GRIP1: variants seen among roughly 807,000 people sequenced by gnomAD.
GRIP1 encodes the protein glutamate receptor interacting protein 1.
In GRIP1, 45 loss-of-function variants were observed where a neutral mutation model predicts 129.9. The observed-to-expected ratio is 0.35, with a 90% CI of 0.27 to 0.44. GRIP1 has a LOEUF of 0.44. GRIP1 is among the 20% of genes least tolerant of loss of function. The pLI is 1.00. For synonymous variants in GRIP1, 530 were observed against 520.8 expected, an observed-to-expected ratio of 1.02 and a Z score of -0.24; for missense variants, 1,196 against 1,396.8, an observed-to-expected ratio of 0.86 and a Z score of 2.29.
At chr12:66,848,913 T>C (rs2039864279) in intron 1 of GRIP1, among the ~76,000 whole-genome samples, 1 of 152,154 alleles carries the variant, frequency 6.6e-6, no homozygotes, top group Non-Finnish European at 1.5e-5. Flanking sequence ...TGGCAATTGA[T>C]GGGCTGCTTT....
intron 1 of GRIP1, among the ~76,000 whole-genome samples, chr12:66,845,026 A>C (rs1035167944): frequency 1.3e-5 from 2 of 152,190 alleles, no homozygotes; most frequent in African/African-American, 4.8e-5. Context: ...GAAGTGTTCT[A>C]GAGATTGGTT....
At chr12:66,729,628 C>T (rs1381870708) in intron 1 of GRIP1, among the ~76,000 whole-genome samples, 2 of 152,118 alleles carry the variant, frequency 1.3e-5, no homozygotes, top group African/African-American at 4.8e-5. Context: ...GGCTGGAGTG[C>T]AGTGGTGCGA....
intron 1 of GRIP1, among the ~76,000 whole-genome samples, chr12:66,607,231 G>C (rs960765442): frequency 6.6e-6 from 1 of 152,092 alleles, no homozygotes; most frequent in Non-Finnish European, 1.5e-5. Context: ...ATGAATTCTT[G>C]GTTTAATTTA....
chr12:66,561,455 A>G (rs2062524632), intron 2 of GRIP1, among the ~76,000 whole-genome samples: 1 of 152,098 alleles, frequency 6.6e-6, no homozygotes, highest in East Asian at 1.9e-4. Flanking sequence ...AAATATATAT[A>G]CTTACTATAT....
chr12:66,847,654 T>A (rs2039841922), intron 1 of GRIP1, among the ~76,000 whole-genome samples: 1 of 152,166 alleles, frequency 6.6e-6, no homozygotes, highest in Non-Finnish European at 1.5e-5. Flanking sequence ...TAAAATTTGA[T>A]TGAGTCTTAT....
chr12:66,676,390 T>C (rs1029118567), intron 1 of GRIP1, among the ~76,000 whole-genome samples: 4 of 152,158 alleles, frequency 2.6e-5, no homozygotes, highest in African/African-American at 9.7e-5. Flanking sequence ...GTGGGTGATA[T>C]CAACCACAAA....
chr12:66,592,858 C>A (rs2063898065), intron 2 of GRIP1, among the ~76,000 whole-genome samples: 1 of 152,174 alleles, frequency 6.6e-6, no homozygotes, highest in South Asian at 2.1e-4. Flanking sequence ...CTGTCAAATA[C>A]AGGAGAATCA....
chr12:66,570,262 T>G (rs546469764), intron 2 of GRIP1, among the ~76,000 whole-genome samples: 1 of 152,200 alleles, frequency 6.6e-6, no homozygotes, highest in East Asian at 1.9e-4. Context: ...GGAATACAGG[T>G]GCATGCCACC....
intron 7 of GRIP1, among the ~76,000 whole-genome samples, chr12:66,506,260 T>C (rs997645481): frequency 6.6e-5 from 10 of 152,206 alleles, no homozygotes; most frequent in African/African-American, 2.2e-4. Flanking sequence ...TAGTATTATT[T>C]ATAGGAGTGG....
At chr12:66,424,105 T>C (rs538641676) in intron 14 of GRIP1, among the ~76,000 whole-genome samples, 30 of 152,320 alleles carry the variant, frequency 2.0e-4, no homozygotes, top group Non-Finnish European at 3.4e-4. Context: ...ATTTGAGTCA[T>C]TTACAAGCTT....
At chr12:66,557,494 T>G (rs1053300053) in intron 2 of GRIP1, among the ~76,000 whole-genome samples, 5 of 152,190 alleles carry the variant, frequency 3.3e-5, no homozygotes, top group Non-Finnish European at 7.4e-5. Context: ...TACGGAACAT[T>G]TTATTCAACA....
Position 66,418,392 on chromosome 12 carries a change from G to A in GRIP1, c.1838+2328C>T, listed in dbSNP as rs929420741. Among the ~76,000 whole-genome samples the A allele has an allele frequency of 3.9e-5, 6 of 152,184 alleles. No individual in the cohort carries two copies. The South Asian group carries it at 6.2e-4, about 16-fold the overall frequency. On this transcript the variant is annotated intron_variant, in intron 15 of 24. Coordinates refer to ENST00000359742, the MANE Select transcript of GRIP1 (RefSeq NM_001366722.1). ...ACATTGCTCTGGGCAAATATGTCTC[G>A]AGTAATATCCCACAAGCACAGGCAA... is the stretch of plus-strand genomic sequence containing the variant.
intron 7 of GRIP1, among the ~76,000 whole-genome samples, chr12:66,469,561 C>A (rs1429152266): frequency 6.6e-6 from 1 of 152,016 alleles, no homozygotes; most frequent in African/African-American, 2.4e-5. Flanking sequence ...ATGAAGCTTC[C>A]ACATTAAGAA....
At chr12:66,842,694 G>A (rs913852697) in intron 1 of GRIP1, among the ~76,000 whole-genome samples, 3 of 152,166 alleles carry the variant, frequency 2.0e-5, no homozygotes, top group African/African-American at 7.2e-5. Context: ...CTCTGATACT[G>A]TAAGAAATAA....
chr12:66,776,891 A>G (rs748886966), intron 1 of GRIP1, among the ~76,000 whole-genome samples: 1 of 152,126 alleles, frequency 6.6e-6, no homozygotes, highest in African/African-American at 2.4e-5. Flanking sequence ...GGCATTATCT[A>G]GAAAAATTAA....
rs373027581 is a variant in GRIP1, at chr12:66,606,235, G to A, written c.56-9308C>T. The stretch of plus-strand genomic sequence containing the variant: ...GTAATGGAGAAAATGGATTAAGTCA[G>A]AACTTATCAGAGTGCAAAGTCGATG... On this transcript the variant is annotated intron_variant, in intron 1 of 24. Transcript: ENST00000359742. Among the ~76,000 whole-genome samples the A allele has an allele frequency of 2.3e-4, 35 of 152,306 alleles. No homozygotes were observed. In the South Asian group the frequency reaches 6.4e-3, roughly 28 times the overall value.
At chr12:67,066,888 T>TATATATATATA (rs2043635570) in intron 1 of GRIP1, among the ~76,000 whole-genome samples, 36 of 125,656 alleles carry the variant, frequency 2.9e-4, no homozygotes, top group Non-Finnish European at 5.1e-4. Context: ...AAATATATAT[T>TATATATATATA]TATATATATA....
rs186743071 is a variant in GRIP1 at position 66,515,837 on chromosome 12, C to T, written c.579-73G>A. 8.9e-4 allele frequency: 1,179 copies of T among 1,319,570 alleles called. 7 individuals are homozygous for T. The African/African-American group carries it at 0.015, about 16-fold the overall frequency. The allele number at this position is 1,319,570 out of a possible 1,614,324, so 81.7% of individuals were successfully genotyped here. Reference sequence around the variant, plus strand: ...GCTTAGTATTAATAGTCACTTTAGCCAAATTCGTTTTGTCACACATATTCT... The same window carrying T: ...GCTTAGTATTAATAGTCACTTTAGCTAAATTCGTTTTGTCACACATATTCT... On this transcript the variant is annotated intron_variant, in intron 6 of 24. Transcript: ENST00000359742.
At chr12:66,427,302 A>G (rs1372929894) in intron 14 of GRIP1, among the ~76,000 whole-genome samples, 1 of 152,066 alleles carries the variant, frequency 6.6e-6, no homozygotes, top group African/African-American at 2.4e-5. Flanking sequence ...ATTGTCATTT[A>G]AAGTGGAGTG....
Sources: allele counts gnomAD v4.1 joint callset (sites outside exome capture counted in the v4.1 genomes callset), GRCh38; gene constraint gnomAD v4.1.1; transcripts MANE v1.5; gene names NCBI Gene and HGNC (gene_info 2026-07-23, HGNC 2026-07-21).